The following DIDO1 variants were observed in gnomAD, a reference collection of about 807,000 sequenced individuals.
DIDO1 encodes death inducer-obliterator 1.
A neutral mutation model predicts 99.4 loss-of-function variants in DIDO1; 16 were observed. That is an observed-to-expected ratio of 0.16 (90% CI 0.11 to 0.24). DIDO1 has a LOEUF of 0.24. Among genes scored for constraint, DIDO1 ranks in the 10% least tolerant of loss-of-function variants. The pLI, the probability that DIDO1 is intolerant of heterozygous loss-of-function variation, is 1.00. For missense variants in DIDO1, 2,996 were observed against 3,014.0 expected, an observed-to-expected ratio of 0.99 and a Z score of 0.14; for synonymous variants, 1,366 against 1,239.1, an observed-to-expected ratio of 1.10 and a Z score of -2.15.
At chr20:62,923,335 C>T (rs1488974901) in intron 1 of DIDO1, among the ~76,000 whole-genome samples, 1 of 152,114 alleles carries the variant, frequency 6.6e-6, no homozygotes, top group African/African-American at 2.4e-5. Context: ...ACCACCACAC[C>T]CAGCTAATTT....
Position 62,881,248 on chromosome 20 carries a change from T to A in DIDO1, c.4708A>T (p.Thr1570Ser). The A allele has an allele frequency of 6.2e-7, 1 of 1,602,808 alleles. No homozygotes were observed. The highest frequency in any genetic ancestry group is 8.5e-7 in the Non-Finnish European group (1 of 1,177,624). Residue 1570 changes from threonine to serine, a missense_variant, in exon 16 of 16, where the codon ACC (threonine) becomes TCC (serine). This residue lies in a region of DIDO1 where 1,562 missense variants were observed against 1,412.6 expected (regional missense o/e 1.11). Transcript: ENST00000395343. The surrounding 1 kb of genome is among the most constrained non-coding windows in gnomAD (Gnocchi z 8.3). ...AGAGGCTCCCCCTCCCCCTCACCGG[T>A]CTCAGTGGCCAGGCGCCTCGCCTGC... ...PRQARRLATE[T>S]GEGEGEPLSR...
intron 1 of DIDO1, among the ~76,000 whole-genome samples, 167 bp downstream of exon 1, chr20:62,926,256 TCGCCCGCCCGCCCGCC>T (rs3069125): frequency 1.3e-4 from 19 of 149,756 alleles, no homozygotes; most frequent in African/African-American, 3.2e-4. Context: ...CCCCGCCCGC[TCGCCCGCCCGCCCGCC>T]CGCTCCTTCC....
chr20:62,932,138 G>C (rs2147610257), intron 1 of DIDO1, among the ~76,000 whole-genome samples: 1 of 152,340 alleles, frequency 6.6e-6, no homozygotes, highest in South Asian at 2.1e-4. Context: ...CCTCCCCAAA[G>C]TGCTGGGATT....
intron 8 of DIDO1, among the ~76,000 whole-genome samples, chr20:62,895,648 G>A (rs756147836): frequency 1.3e-5 from 2 of 152,314 alleles, no homozygotes; most frequent in Middle Eastern, 3.4e-3. Context: ...CCTGGAGGCC[G>A]ATGGAGAGAG....
Position 62,896,495 on chromosome 20 carries a change from A to G in DIDO1, c.2054+36T>C, listed in dbSNP as rs2064526477. On this transcript the variant is annotated intron_variant, in intron 7 of 15. Transcript: ENST00000395343. The surrounding 1 kb of genome is among the most constrained non-coding windows in gnomAD (Gnocchi z 4.4). ...GCCACACTCTAATGAAAGCCCTTCC[A>G]TTTTAATGGGTAAGAAATCAAGCAG... 1.3e-6 allele frequency: 2 copies of G among 1,579,508 alleles called. No homozygotes were observed. Among genetic ancestry groups the G allele is most frequent in the South Asian group, 2.3e-5 (2 of 86,114 alleles).
intron 6 of DIDO1, among the ~76,000 whole-genome samples, chr20:62,902,708 G>A (rs1417609324): frequency 1.3e-5 from 2 of 152,222 alleles, no homozygotes; most frequent in African/African-American, 2.4e-5. Context: ...GTGGCAGCAC[G>A]TGGGAACAAG....
chr20:62,880,568 C>T lies in DIDO1; in HGVS notation c.5388G>A (p.Pro1796=), dbSNP rs754471026. 2.5e-6 allele frequency: 4 copies of T among 1,612,896 alleles called. No individual in the cohort carries two copies. The highest frequency in any genetic ancestry group is 2.7e-5 in the African/African-American group (2 of 75,076). ...IASNDGPRGP[P]PARFGAQKGP... is the part of the protein sequence containing the mutation. ...CCTTCTGGGCTCCGAATCTGGCTGGCGGAGGCCCTCGTGGCCCATCGTTAG... is the reference window on the plus strand; with the variant it reads ...CCTTCTGGGCTCCGAATCTGGCTGGTGGAGGCCCTCGTGGCCCATCGTTAG... Residue 1796 remains proline, a synonymous_variant, in exon 16 of 16, where the codon CCG becomes CCA. Coordinates refer to ENST00000395343, the MANE Select transcript of DIDO1 (RefSeq NM_001193369.2).
chr20:62,919,238 T>C (rs2065091999), intron 1 of DIDO1, among the ~76,000 whole-genome samples: 1 of 152,178 alleles, frequency 6.6e-6, no homozygotes. Flanking sequence ...GCTTACCAAA[T>C]AATACCGTCA....
chr20:62,903,208 C>T (rs1053351754), intron 6 of DIDO1, among the ~76,000 whole-genome samples: 4 of 152,118 alleles, frequency 2.6e-5, no homozygotes, highest in African/African-American at 7.2e-5. Flanking sequence ...CTGTGAAGGA[C>T]CTACTGATAT....
Position 62,882,180 on chromosome 20 carries a change from C to T in DIDO1, c.3776G>A (p.Gly1259Glu). Residue 1259 changes from glycine (G) to glutamate (E), a missense_variant, in exon 16 of 16, where the codon GGG becomes GAG. Transcript: ENST00000395343. ...ADAAVSTTPP[G>E]SPPPPPPLPE... The stretch of plus-strand genomic sequence containing the variant: ...AAGAGGGGGCGGAGGCGGCGGCGAC[C>T]CAGGAGGTGTGGTGCTGACAGCCGC... 1.2e-6 allele frequency: 2 copies of T among 1,613,306 alleles called. No individual in the cohort carries two copies. The highest frequency in any genetic ancestry group is 1.7e-6 in the Non-Finnish European group (2 of 1,180,010).
chr20:62,912,335 G>C (rs1370261873), intron 2 of DIDO1, among the ~76,000 whole-genome samples: 1 of 152,044 alleles, frequency 6.6e-6, no homozygotes, highest in East Asian at 1.9e-4. Context: ...AATAAACCTT[G>C]TTTTAGTCTA....
intron 15 of DIDO1, chr20:62,888,375 C>T (rs535577810): frequency 1.0e-6 from 1 of 985,428 alleles, no homozygotes; most frequent in Non-Finnish European, 1.2e-6. Context: ...TGCAGACGGG[C>T]AGCTCAAGGC....
Position 62,896,415 on chromosome 20 carries a change from A to G in DIDO1, c.2055-23T>C, listed in dbSNP as rs1266663796. On this transcript the variant is annotated intron_variant, in intron 7 of 15. Coordinates refer to ENST00000395343, the MANE Select transcript of DIDO1 (RefSeq NM_001193369.2). This position sits in a 1 kb window ranked among gnomAD's most constrained non-coding sequence, Gnocchi z 4.4. ...ACTCTGAACAGAATAAAAAAAAGGA[A>G]CTACATAAGACACTTGTGTATATTA... 6.2e-7 allele frequency: 1 copy of G among 1,603,182 alleles called. No homozygotes were observed. Among genetic ancestry groups the G allele is most frequent in the South Asian group, 1.1e-5 (1 of 88,998 alleles).
chr20:62,890,688 G>A, intron 15 of DIDO1: 4 of 1,311,600 alleles, frequency 3.0e-6, no homozygotes, highest in Non-Finnish European at 3.9e-6. Context: ...AGTCTTCTCT[G>A]ACCTGAGGCC....
chr20:62,895,114 T>C lies in DIDO1; in HGVS notation c.2266A>G (p.Arg756Gly). 6.2e-7 allele frequency: 1 copy of C among 1,612,186 alleles called. No homozygotes were observed. Among genetic ancestry groups the C allele is most frequent in the Non-Finnish European group, 8.5e-7 (1 of 1,178,360 alleles). The change falls in exon 9 of 16, where the codon AGA (arginine) becomes GGA (glycine). Residue 756 changes from arginine (R) to glycine (G), a missense_variant. Transcript: ENST00000395343. Reference protein sequence around the residue: ...REEISLAKLVRLKPEELVSKE... With the variant: ...REEISLAKLVGLKPEELVSKE... ...GATACAAGTTCTTCTGGCTTCAGTC[T>C]CACAAGTTTCGCCAAAGAGATTTCC...
intron 6 of DIDO1, among the ~76,000 whole-genome samples, chr20:62,903,507 G>A (rs1215453071): frequency 6.6e-6 from 1 of 152,212 alleles, no homozygotes; most frequent in Non-Finnish European, 1.5e-5. Context: ...CAGGGAGGCA[G>A]GGCAGGGGCC....
chr20:62,926,775 C>T (rs936918050), upstream of DIDO1, among the ~76,000 whole-genome samples: 2 of 152,250 alleles, frequency 1.3e-5, no homozygotes, highest in Non-Finnish European at 2.9e-5. Flanking sequence ...ACAGCCCGGG[C>T]AGGGCGCAGG....
At chr20:62,886,236 C>CA (rs752034280) in intron 15 of DIDO1, among the ~76,000 whole-genome samples, 6 of 152,242 alleles carry the variant, frequency 3.9e-5, no homozygotes, top group Admixed American at 1.3e-4. Flanking sequence ...CGTGCCCCTG[C>CA]ACTTCCACTG....
chr20:62,908,512 ACTG>A (rs2064855882), intron 4 of DIDO1, among the ~76,000 whole-genome samples: 1 of 152,184 alleles, frequency 6.6e-6, no homozygotes, highest in African/African-American at 2.4e-5. Flanking sequence ...CAGCTTGACC[ACTG>A]CTGTTTACAA....
Sources: allele counts gnomAD v4.1 joint callset (sites outside exome capture counted in the v4.1 genomes callset), GRCh38; gene constraint gnomAD v4.1.1; regional missense constraint gnomAD v4.1.1; non-coding constraint Gnocchi (gnomAD v3.1); transcripts MANE v1.5; gene names NCBI Gene and HGNC (gene_info 2026-07-23, HGNC 2026-07-21).